The following CFAP20DC variants were observed in gnomAD, a reference collection of about 807,000 sequenced individuals.
CFAP20DC encodes CFAP20 domain containing.
A neutral mutation model predicts 101.7 loss-of-function variants in CFAP20DC; 84 were observed. That is an observed-to-expected ratio of 0.83 (90% CI 0.69 to 0.99). CFAP20DC has a LOEUF of 0.99. Ranked by LOEUF, CFAP20DC falls within the 50% of genes least tolerant of loss-of-function variation. CFAP20DC has a pLI of 0.00. For missense variants in CFAP20DC, 1,007 were observed against 970.3 expected (o/e 1.04, Z -0.50); for synonymous variants, 359 against 351.2 (o/e 1.02, Z -0.25).
intron 4 of CFAP20DC, among the ~76,000 whole-genome samples, chr3:58,981,388 C>G (rs546142231): frequency 6.6e-6 from 1 of 151,166 alleles, no homozygotes; most frequent in Non-Finnish European, 1.5e-5. Context: ...AAAAAGAGCC[C>G]GCATCGCCAA....
At chr3:58,804,638 T>C (rs906546439) in intron 15 of CFAP20DC, among the ~76,000 whole-genome samples, 1 of 152,184 alleles carries the variant, frequency 6.6e-6, no homozygotes, top group Non-Finnish European at 1.5e-5. Flanking sequence ...GCTGGGATTA[T>C]AGGCATGAGC....
rs1223957674 is a variant in CFAP20DC, at chr3:58,729,856, T to C, written c.198-12228A>G. Among the ~76,000 whole-genome samples the C allele has an allele frequency of 6.6e-6, 1 of 151,806 alleles. No individual in the cohort carries two copies. Among genetic ancestry groups the C allele is most frequent in the Admixed American group, 6.6e-5 (1 of 15,232 alleles). ...CAACACGGAGAAACCCTGTCTCTAC[T>C]AAAAATACAAAATTAGCAGGGCATG... On this transcript the variant is annotated intron_variant, in intron 3 of 3. Transcript: ENST00000486145. This position sits in a 1 kb window ranked among gnomAD's most constrained non-coding sequence, Gnocchi z 4.4.
At chr3:58,748,921 G>T (rs115628233) in intron 16 of CFAP20DC, among the ~76,000 whole-genome samples, 3,099 of 152,254 alleles carry the variant, frequency 0.02, 37 homozygotes, top group Middle Eastern at 0.058. Context: ...CATCTGTAAA[G>T]TGGGAACATA....
At chr3:58,968,175 C>T (rs1397878563) in intron 4 of CFAP20DC, among the ~76,000 whole-genome samples, 3 of 152,096 alleles carry the variant, frequency 2.0e-5, no homozygotes, top group Non-Finnish European at 2.9e-5. Context: ...TGAACATTCA[C>T]GTGCATGTGC....
rs200834196 is a variant in CFAP20DC at position 58,910,793 on chromosome 3, T to C, written c.550+2915A>G. ...CTTTTGCACTTATTTCTCTTATTTTTTGGTTTTATATCTTCAGAGGAAGAA... is the reference window on the plus strand; with the variant it reads ...CTTTTGCACTTATTTCTCTTATTTTCTGGTTTTATATCTTCAGAGGAAGAA... On this transcript the variant is annotated intron_variant, in intron 6 of 16. Coordinates refer to ENST00000482387, the MANE Select transcript of CFAP20DC (RefSeq NM_001394063.1). 5.0e-3 allele frequency among the ~76,000 whole-genome samples: 763 copies of C among 152,224 alleles called. 3 individuals carry two copies. The highest frequency in any genetic ancestry group is 6.5e-3 in the Non-Finnish European group (441 of 67,990).
rs781645998 is a variant in CFAP20DC at position 59,049,892 on chromosome 3, G to C, written c.-261C>G. 44 of 559,446 alleles carry C rather than the reference G, an allele frequency of 7.9e-5. No individual in the cohort carries two copies. Among genetic ancestry groups the C allele is most frequent in the Non-Finnish European group, 1.3e-4 (41 of 315,074 alleles). 34.7% of individuals were successfully genotyped at this position (559,446 alleles called of 1,614,324 possible). ...TGGGGAGGGCGCAGCTGCCTGGACG[G>C]ACTCCGGGCCGTCCCTGGGGAGTGA... is the stretch of plus-strand genomic sequence containing the variant. On this transcript the variant is annotated 5_prime_UTR_variant, in exon 1 of 17. Coordinates refer to ENST00000482387, the MANE Select transcript of CFAP20DC (RefSeq NM_001394063.1).
At position 58,973,395 on chromosome 3, in the gene CFAP20DC, CCTATA is replaced by C. The variant is rs1321696766; in HGVS notation, c.279-35638_279-35634del. ...GTTGAATCCACTCATTTCTCTTTCT[CCTATA>C]CTATCACTCTTGCCCAGGCACCACA... On this transcript the variant is annotated intron_variant, in intron 4 of 16. Transcript: ENST00000482387. Among the ~76,000 whole-genome samples, 3 of 152,204 alleles carry C rather than the reference CCTATA, an allele frequency of 2.0e-5. No homozygotes were observed. The East Asian group carries it at 5.8e-4, about 29-fold the overall frequency.
In CFAP20DC at chr3:58,806,378, T is replaced by TATTA; in HGVS notation, c.2237+16_2237+17insTAAT. The TATTA allele has an allele frequency of 6.6e-7, 1 of 1,519,918 alleles. No individual in the cohort carries two copies. The highest frequency in any genetic ancestry group is 9.1e-7 in the Non-Finnish European group (1 of 1,094,696). The allele number at this position is 1,519,918 out of a possible 1,614,324, so 94.2% of individuals were successfully genotyped here. A position where few individuals can be genotyped will look rare whatever the true frequency, so the allele number is the denominator to read the frequency against. On this transcript the variant is annotated intron_variant, in intron 15 of 16. Transcript: ENST00000482387. ...AGTTTTTTTTTTTCTTAAATGTAGA[T>TATTA]TATTAATGATTCTTACCGGGGATTA...
intron 11 of CFAP20DC, among the ~76,000 whole-genome samples, chr3:58,865,975 T>A (rs891306578): frequency 5.3e-5 from 8 of 152,216 alleles, no homozygotes; most frequent in African/African-American, 1.9e-4. Context: ...AATTACTGTG[T>A]AATCACAATA....
intron 12 of CFAP20DC, among the ~76,000 whole-genome samples, chr3:58,852,319 G>A (rs2108341323): frequency 6.6e-6 from 1 of 151,954 alleles, no homozygotes; most frequent in East Asian, 1.9e-4. Flanking sequence ...ACCAATACAG[G>A]AGCACCCAGA....
intron 15 of CFAP20DC, among the ~76,000 whole-genome samples, chr3:58,777,927 A>G (rs1439911083): frequency 6.6e-6 from 1 of 152,166 alleles, no homozygotes; most frequent in African/African-American, 2.4e-5. Context: ...TGCCATTTTG[A>G]GAGTGTTACC....
intron 4 of CFAP20DC, among the ~76,000 whole-genome samples, chr3:58,994,280 A>G (rs1249188612): frequency 6.6e-6 from 1 of 152,234 alleles, no homozygotes; most frequent in Non-Finnish European, 1.5e-5. Flanking sequence ...TAAAGCCTGC[A>G]GTGCTCTCAT....
chr3:58,723,731 G>A (rs2067505779), intron 3 of CFAP20DC, among the ~76,000 whole-genome samples: 1 of 152,178 alleles, frequency 6.6e-6, no homozygotes, highest in African/African-American at 2.4e-5. Context: ...TTTGTCAGGT[G>A]GGGTGTAAGT....
chr3:58,812,702 T>C (rs554516586), intron 14 of CFAP20DC, among the ~76,000 whole-genome samples: 1 of 151,816 alleles, frequency 6.6e-6, no homozygotes, highest in South Asian at 2.1e-4. Flanking sequence ...ACTTAAAGTA[T>C]AATAATAGTA....
At chr3:58,918,265 G>A (rs948995270) in intron 5 of CFAP20DC, among the ~76,000 whole-genome samples, 5 of 152,106 alleles carry the variant, frequency 3.3e-5, no homozygotes, top group South Asian at 2.1e-4. Context: ...GAGGGTGTAC[G>A]TTTCTGACTT....
intron 4 of CFAP20DC, among the ~76,000 whole-genome samples, chr3:58,949,940 G>A (rs1362224275): frequency 6.6e-6 from 1 of 152,160 alleles, no homozygotes; most frequent in African/African-American, 2.4e-5. Flanking sequence ...GCAGGAGAAG[G>A]AAATAAAGGG....
rs1358473539 is a variant in CFAP20DC at position 58,732,841 on chromosome 3, C to A, written c.198-15213G>T. On this transcript the variant is annotated intron_variant, in intron 3 of 3. Coordinates refer to the CFAP20DC transcript ENST00000486145. This position sits in a 1 kb window ranked among gnomAD's most constrained non-coding sequence, Gnocchi z 5.4. ...ATGTCTTTGGTGAAATGTTCTATATCTATAACTTGTGATTAAGCTCAGGAT... is the reference window on the plus strand; with the variant it reads ...ATGTCTTTGGTGAAATGTTCTATATATATAACTTGTGATTAAGCTCAGGAT... Among the ~76,000 whole-genome samples, 12 of 152,196 alleles carry A rather than the reference C, an allele frequency of 7.9e-5. No individual in the cohort carries two copies. Among genetic ancestry groups the A allele is most frequent in the Non-Finnish European group, 1.5e-4 (10 of 68,036 alleles).
At chr3:58,754,244 C>T (rs2068769148) in intron 15 of CFAP20DC, among the ~76,000 whole-genome samples, 1 of 152,144 alleles carries the variant, frequency 6.6e-6, no homozygotes, top group Non-Finnish European at 1.5e-5. Flanking sequence ...TGCCACATGT[C>T]ATGGATGGTC....
chr3:59,022,394 A>G (rs945086923), intron 4 of CFAP20DC, among the ~76,000 whole-genome samples: 1 of 152,084 alleles, frequency 6.6e-6, no homozygotes, highest in Non-Finnish European at 1.5e-5. Flanking sequence ...ATGCTCTATA[A>G]TAGAGAATTG....
Sources: gnomAD v4.1 joint callset for allele counts (sites outside exome capture counted in the v4.1 genomes callset) on GRCh38, gnomAD v4.1.1 for gene constraint, Gnocchi (gnomAD v3.1) non-coding constraint, MANE v1.5 for transcripts, NCBI Gene and HGNC (gene_info 2026-07-23, HGNC 2026-07-21) for gene names.